Variants in BAIAP3 observed in about 807,000 individuals in gnomAD.
BAIAP3 encodes the protein BAI1-associated protein 3.
A neutral mutation model predicts 149.7 loss-of-function variants in BAIAP3; 180 were observed. That is an observed-to-expected ratio of 1.20 (90% CI 1.07 to 1.36). The LOEUF (loss-of-function observed/expected upper bound fraction) is 1.36. Ranked by LOEUF, BAIAP3 falls within the 40% of genes most tolerant of loss-of-function variation. The pLI is 0.00. For synonymous variants in BAIAP3, 845 were observed against 670.7 expected (o/e 1.26, Z -4.02); for missense variants, 1,767 against 1,563.4 (o/e 1.13, Z -2.20).
rs188806500 is a variant in BAIAP3 at position 1,339,256 on chromosome 16, G to A, written c.300+12G>A. Reference sequence around the variant, plus strand: ...TGGCCCCAGAGGAGGTAAAGGTGGGGGTCGGAACCAGGGGCAGTCGTCTGC... The same window carrying A: ...TGGCCCCAGAGGAGGTAAAGGTGGGAGTCGGAACCAGGGGCAGTCGTCTGC... On this transcript the variant is annotated intron_variant, in intron 4 of 33. Transcript: ENST00000426824. 574 of 1,557,844 alleles carry A rather than the reference G, an allele frequency of 3.7e-4. 1 individual carries two copies. The highest frequency in any genetic ancestry group is 6.0e-4 in the Admixed American group (31 of 51,474).
chr16:1,343,836 G>A (rs2034105305), intron 15 of BAIAP3, among the ~76,000 whole-genome samples, 186 bp from the exon 16 acceptor site: 1 of 152,216 alleles, frequency 6.6e-6, no homozygotes, highest in African/African-American at 2.4e-5. Context: ...TGAGCTGCGT[G>A]GGTGGAAACC....
intron 8 of BAIAP3, 40 bp from the exon 9 acceptor site, chr16:1,341,782 T>G: frequency 6.2e-7 from 1 of 1,600,872 alleles, no homozygotes; most frequent in Non-Finnish European, 8.5e-7. Flanking sequence ...GGGCAGAGCC[T>G]CGCCGGGGAC....
intron 1 of BAIAP3, 95 bp downstream of exon 1, chr16:1,333,844 G>A (rs2033286378): frequency 6.6e-6 from 1 of 151,906 alleles, no homozygotes; most frequent in African/African-American, 2.4e-5. Context: ...CCGCCCCCTT[G>A]GTCCGGGTCC....
chr16:1,340,655 C>G (rs893519407), intron 5 of BAIAP3, among the ~76,000 whole-genome samples: 1 of 152,264 alleles, frequency 6.6e-6, no homozygotes, highest in South Asian at 2.1e-4. Flanking sequence ...CGGCTTCCAC[C>G]TGCATGTGCT....
Position 1,341,190 on chromosome 16 carries a change from C to T in BAIAP3, c.530C>T (p.Pro177Leu). 1 of 1,612,584 alleles carries T rather than the reference C, an allele frequency of 6.2e-7. No individual in the cohort carries two copies. Among genetic ancestry groups the T allele is most frequent in the Non-Finnish European group, 8.5e-7 (1 of 1,179,782 alleles). ...GCCAAGAACCTTCTGGCCAAGGACC[C>T]CAACGGTGAGTGGGGACCCAGCAGA... Reference protein sequence around the residue: ...MRAKNLLAKDPNGFSDPYCML... With the variant: ...MRAKNLLAKDLNGFSDPYCML... Residue 177 changes from proline to leucine, a missense_variant, in exon 7 of 34, where the codon CCC becomes CTC. By Grantham distance (98) the Pro-to-Leu change is moderately conservative (BLOSUM62 -3). Coordinates refer to ENST00000426824, the MANE Select transcript of BAIAP3 (RefSeq NM_001199097.2).
At position 1,348,306 on chromosome 16, in the gene BAIAP3, G is replaced by C; in HGVS notation, c.3355+5G>C. ...TGTGCCGGCCCAGAGCCCAGGGTGA[G>C]TGAGCATCTGGGTGGAGGCAGGGGC... On this transcript the variant is annotated splice_donor_5th_base_variant and intron_variant, in intron 33 of 33. Coordinates refer to ENST00000426824, the MANE Select transcript of BAIAP3 (RefSeq NM_001199097.2). 1 of 1,601,720 alleles carries C rather than the reference G, an allele frequency of 6.2e-7. No individual in the cohort carries two copies. Among genetic ancestry groups the C allele is most frequent in the Admixed American group, 1.7e-5 (1 of 58,678 alleles).
At chr16:1,335,435 A>C (rs891929208) in intron 1 of BAIAP3, among the ~76,000 whole-genome samples, 1 of 149,580 alleles carries the variant, frequency 6.7e-6, no homozygotes, top group African/African-American at 2.5e-5. Flanking sequence ...GGAAGGAGTT[A>C]CATCACGTCT....
chr16:1,346,620 A>G lies in BAIAP3; in HGVS notation c.2578A>G (p.Met860Val). The G allele has an allele frequency of 6.8e-7, 1 of 1,460,302 alleles. No homozygotes were observed. The highest frequency in any genetic ancestry group is 9.2e-7 in the Non-Finnish European group (1 of 1,089,414). The allele number at this position is 1,460,302 out of a possible 1,614,324, so 90.5% of individuals were successfully genotyped here. ...IQNDEAVAPL[M>V]KYLDEKLALL... is the part of the protein sequence containing the mutation. ...CTGCCCGCAGGCCGTGGCCCCGCTC[A>G]TGAAGTACCTGGATGAGAAGCTGGC... The change falls in exon 27 of 34, where the codon ATG becomes GTG. Residue 860 changes from methionine to valine, a missense_variant. By Grantham distance (21) the Met-to-Val change is conservative (BLOSUM62 1). Transcript: ENST00000426824.
At position 1,345,472 on chromosome 16, in the gene BAIAP3, C is replaced by T. The variant is rs1253159703; in HGVS notation, c.2064+100C>T. 5.1e-6 allele frequency: 7 copies of T among 1,375,920 alleles called. No homozygotes were observed. The African/African-American group carries it at 6.0e-5, about 12-fold the overall frequency. 85.2% of individuals were successfully genotyped at this position (1,375,920 alleles called of 1,614,324 possible). A position where few individuals can be genotyped will look rare whatever the true frequency, so the allele number is the denominator to read the frequency against. ...AGCCTCCCCAGCAACCCCCAGCCTC[C>T]TCCGCCTCCCCAGCCTCCCCCTCAA... is the stretch of plus-strand genomic sequence containing the variant. On this transcript the variant is annotated intron_variant, in intron 22 of 33. Coordinates refer to ENST00000426824, the MANE Select transcript of BAIAP3 (RefSeq NM_001199097.2).
At chr16:1,337,802 G>T (rs745459563) in intron 1 of BAIAP3, among the ~76,000 whole-genome samples, 4 of 152,238 alleles carry the variant, frequency 2.6e-5, no homozygotes, top group Non-Finnish European at 4.4e-5. Flanking sequence ...TTCCAGCGGG[G>T]CCCGGCTCGC....
At position 1,348,947 on chromosome 16, in the gene BAIAP3, G is replaced by T. The variant is rs907394040; in HGVS notation, c.*465G>T. The T allele has an allele frequency of 3.8e-6, 1 of 264,298 alleles. No individual in the cohort carries two copies. The highest frequency in any genetic ancestry group is 2.2e-5 in the African/African-American group (1 of 44,752). 16.4% of individuals were successfully genotyped at this position (264,298 alleles called of 1,614,324 possible). A position where few individuals can be genotyped will look rare whatever the true frequency, so the allele number is the denominator to read the frequency against. On this transcript the variant is annotated 3_prime_UTR_variant, in exon 34 of 34. Transcript: ENST00000426824. ...CTGGCACCACTGGGTGGATGGTCCA[G>T]AGCCTCCACCCACAGAGGGGATGCA...
Position 1,348,593 on chromosome 16 carries a change from G to T in BAIAP3, c.*111G>T, listed in dbSNP as rs560903249. On this transcript the variant is annotated 3_prime_UTR_variant, in exon 34 of 34. Transcript: ENST00000426824. ...CCAGGGCCCACGGCGCCCCTCCTGT[G>T]CTGTGACGTGTGTGTCGTGGCTGGC... The T allele has an allele frequency of 4.1e-4, 447 of 1,078,138 alleles. 3 individuals are homozygous for T. The African/African-American group carries it at 6.2e-3, about 15-fold the overall frequency. The allele number at this position is 1,078,138 out of a possible 1,614,324, so 66.8% of individuals were successfully genotyped here.
At position 1,342,167 on chromosome 16, in the gene BAIAP3, C is replaced by T. The variant is rs2033967120; in HGVS notation, c.855-14C>T. ...GGAGCCATCAGCGTGATGCTCACCA[C>T]CTGTGGTGGCCAGGTACTTCAAACA... is the stretch of plus-strand genomic sequence containing the variant. On this transcript the variant is annotated splice_polypyrimidine_tract_variant and intron_variant, in intron 10 of 33. Transcript: ENST00000426824. The T allele has an allele frequency of 1.3e-6, 2 of 1,590,836 alleles. No individual in the cohort carries two copies. Among genetic ancestry groups the T allele is most frequent in the African/African-American group, 2.7e-5 (2 of 74,514 alleles).
At chr16:1,341,622 A>T in intron 8 of BAIAP3, 133 bp downstream of exon 8, 3 of 1,307,130 alleles carry the variant, frequency 2.3e-6, no homozygotes, top group Non-Finnish European at 3.1e-6. Flanking sequence ...CCAGAGGAGA[A>T]AACTGAGGCC....
chr16:1,345,839 G>T lies in BAIAP3; in HGVS notation c.2157G>T (p.Leu719=), dbSNP rs199610945. 277 of 1,579,614 alleles carry T rather than the reference G, an allele frequency of 1.8e-4. No individual in the cohort carries two copies. Among genetic ancestry groups the T allele is most frequent in the Non-Finnish European group, 2.2e-4 (260 of 1,164,946 alleles). Residue 719 remains leucine (L), a synonymous_variant, in exon 23 of 34, where the codon CTG becomes CTT. Coordinates refer to ENST00000426824, the MANE Select transcript of BAIAP3 (RefSeq NM_001199097.2). ...ACATCCAGGAGTTGTGGGTGCGCCT[G>T]GCGTGGCCTGACCCTGCCCAGGCTC... ...LSHIQELWVR[L]AWPDPAQAQG... is the part of the protein sequence containing the mutation.
In BAIAP3 at chr16:1,343,637, A is replaced by C. The variant is rs1194674458; in HGVS notation, c.1386+124A>C. On this transcript the variant is annotated intron_variant, in intron 15 of 33. Coordinates refer to ENST00000426824, the MANE Select transcript of BAIAP3 (RefSeq NM_001199097.2). ...GTGGGGGTCAAAGACAAATGGACAAACTGTATGACGTGGGCGAGAGCCAGC... is the reference window on the plus strand; with the variant it reads ...GTGGGGGTCAAAGACAAATGGACAACCTGTATGACGTGGGCGAGAGCCAGC... The C allele has an allele frequency of 2.8e-6, 4 of 1,414,730 alleles. No individual in the cohort carries two copies. The African/African-American group carries it at 5.7e-5, about 20-fold the overall frequency. 87.6% of individuals were successfully genotyped at this position (1,414,730 alleles called of 1,614,324 possible).
At position 1,349,149 on chromosome 16, in the gene BAIAP3, T is replaced by A. The variant is rs2034584987; in HGVS notation, c.*667T>A. ...CTTCACGCACATATCCGTGGCCACC[T>A]GAGACCTGCTCCACGACCCTTCCAG... is the stretch of plus-strand genomic sequence containing the variant. On this transcript the variant is annotated 3_prime_UTR_variant, in exon 34 of 34. Coordinates refer to ENST00000426824, the MANE Select transcript of BAIAP3 (RefSeq NM_001199097.2). The A allele has an allele frequency of 4.2e-6, 2 of 474,076 alleles. No individual in the cohort carries two copies. Among genetic ancestry groups the A allele is most frequent in the Admixed American group, 7.2e-5 (2 of 27,814 alleles). 29.4% of individuals were successfully genotyped at this position (474,076 alleles called of 1,614,324 possible).
At chr16:1,336,123 G>A (rs966571838) in intron 1 of BAIAP3, 3 of 771,758 alleles carry the variant, frequency 3.9e-6, no homozygotes, top group African/African-American at 3.8e-5. Flanking sequence ...CCAGGACTGC[G>A]AGCCCCCATC....
At position 1,339,245 on chromosome 16, in the gene BAIAP3, G is replaced by A. The variant is rs1200872433; in HGVS notation, c.300+1G>A. 2.6e-6 allele frequency: 4 copies of A among 1,561,700 alleles called. No homozygotes were observed. In the African/African-American group the frequency reaches 4.1e-5, roughly 16 times the overall value. On this transcript the variant is annotated splice_donor_variant, in intron 4 of 33. Coordinates refer to ENST00000426824, the MANE Select transcript of BAIAP3 (RefSeq NM_001199097.2). LOFTEE classifies it high-confidence loss of function. ...CCTGAGAGCCCTGGCCCCAGAGGAG[G>A]TAAAGGTGGGGGTCGGAACCAGGGG... is the stretch of plus-strand genomic sequence containing the variant.
Sources: allele counts gnomAD v4.1 joint callset (sites outside exome capture counted in the v4.1 genomes callset), GRCh38; gene constraint gnomAD v4.1.1; transcripts MANE v1.5; gene names NCBI Gene and HGNC (gene_info 2026-07-23, HGNC 2026-07-21).